Variants in PDS5A observed in about 807,000 individuals in gnomAD.
PDS5A encodes the protein PDS5 cohesin associated factor A, also known as sister chromatid cohesion protein PDS5 homolog A.
Under a neutral mutation model 167.1 loss-of-function variants are expected in PDS5A, and 42 were observed. The observed-to-expected ratio is 0.25, with a 90% CI of 0.20 to 0.33. The LOEUF (loss-of-function observed/expected upper bound fraction) is 0.33. Ranked by LOEUF, PDS5A falls within the 10% of genes least tolerant of loss-of-function variation. The probability of loss-of-function intolerance (pLI) is 1.00; values close to 1 mark genes in which losing one functional copy is unlikely to be tolerated. For synonymous variants in PDS5A, 553 were observed against 554.6 expected, an observed-to-expected ratio of 1.00 and a Z score of 0.04; for missense variants, 1,033 against 1,605.9, an observed-to-expected ratio of 0.64 and a Z score of 6.10.
chr4:39,913,585 A>G (rs1724085635), intron 9 of PDS5A, 26 bp downstream of exon 9: 1 of 1,249,328 alleles, frequency 8.0e-7, no homozygotes, highest in East Asian at 2.3e-5. Context: ...CTAAAATATA[A>G]ACATCAGAAT....
At chr4:39,916,790 T>TG (rs1724429377) in intron 8 of PDS5A, among the ~76,000 whole-genome samples, 8 of 151,632 alleles carry the variant, frequency 5.3e-5, no homozygotes, top group Admixed American at 5.3e-4. Context: ...CGCTTGAACC[T>TG]GGGGGGCAAA....
intron 15 of PDS5A, 22 bp downstream of exon 15, chr4:39,898,755 G>C: frequency 6.8e-7 from 1 of 1,465,844 alleles, no homozygotes; most frequent in Non-Finnish European, 9.5e-7. Flanking sequence ...TACATGTTTA[G>C]TGAGTAAATA....
intron 30 of PDS5A, among the ~76,000 whole-genome samples, chr4:39,843,402 T>C (rs1055737024): frequency 1.3e-5 from 2 of 152,200 alleles, no homozygotes; most frequent in African/African-American, 4.8e-5. Context: ...AATGTTTTCA[T>C]AGTTTTCCTA....
intron 2 of PDS5A, among the ~76,000 whole-genome samples, chr4:39,929,519 C>CCATATATATATATATATATATA (rs1553903666): frequency 1.3e-5 from 1 of 79,398 alleles, no homozygotes. Flanking sequence ...ACTTAATAAA[C>CCATATATATATATATATATATA]TATATATATA....
intron 32 of PDS5A, among the ~76,000 whole-genome samples, chr4:39,828,607 T>TACTAGGC (rs1199074034): frequency 2.7e-4 from 41 of 152,220 alleles, no homozygotes; most frequent in Non-Finnish European, 3.5e-4. Flanking sequence ...GTGTAAACTG[T>TACTAGGC]AGTTGGCATA....
chr4:39,857,550 T>G (rs191573479), intron 26 of PDS5A, among the ~76,000 whole-genome samples: 1 of 152,108 alleles, frequency 6.6e-6, no homozygotes, highest in Non-Finnish European at 1.5e-5. Context: ...TTACTTTTAA[T>G]GTAAAAGGAT....
chr4:39,961,014 G>C (rs1375198202), intron 2 of PDS5A, among the ~76,000 whole-genome samples: 1 of 149,992 alleles, frequency 6.7e-6, no homozygotes, highest in East Asian at 2.0e-4. Context: ...GTAGAGGTGG[G>C]GGTCTCACCG....
Position 39,863,059 on chromosome 4 carries a change from T to C in PDS5A, c.2781A>G (p.Gln927=). Residue 927 remains glutamine, a synonymous_variant, in exon 25 of 33, where the codon CAA becomes CAG. Coordinates refer to ENST00000303538, the MANE Select transcript of PDS5A (RefSeq NM_001100399.2). ...CALVINDECY[Q]VRQIFAQKLH... is the part of the protein sequence containing the mutation. ...GCTTCTGAGCAAATATCTGCCTTACTTGGTAACACTCATCCTACAGCAGCA... is the reference window on the plus strand; with the variant it reads ...GCTTCTGAGCAAATATCTGCCTTACCTGGTAACACTCATCCTACAGCAGCA... The C allele has an allele frequency of 6.2e-7, 1 of 1,613,034 alleles. No homozygotes were observed. Among genetic ancestry groups the C allele is most frequent in the Non-Finnish European group, 8.5e-7 (1 of 1,179,226 alleles).
chr4:39,947,172 G>A (rs1481013886), intron 2 of PDS5A, among the ~76,000 whole-genome samples: 1 of 152,122 alleles, frequency 6.6e-6, no homozygotes, highest in African/African-American at 2.4e-5. Flanking sequence ...AAACAAACAT[G>A]ACCAGGCATG....
chr4:39,884,293 T>C (rs1290262971), intron 17 of PDS5A, among the ~76,000 whole-genome samples: 1 of 152,202 alleles, frequency 6.6e-6, no homozygotes, highest in Non-Finnish European at 1.5e-5. Context: ...TGTCAATTTA[T>C]CTCCTAAGCA....
At chr4:39,872,860 A>T in intron 21 of PDS5A, 126 bp downstream of exon 21, 1 of 474,976 alleles carries the variant, frequency 2.1e-6, no homozygotes, top group African/African-American at 2.0e-5. Flanking sequence ...AATAAAAAAT[A>T]AGTAGAACCA....
intron 2 of PDS5A, among the ~76,000 whole-genome samples, chr4:39,937,242 C>T (rs73229720): frequency 0.071 from 10,864 of 152,134 alleles, 487 homozygotes; most frequent in Non-Finnish European, 0.1. Context: ...CCAGGAGCTG[C>T]CTCATTAGCG....
intron 2 of PDS5A, among the ~76,000 whole-genome samples, chr4:39,952,579 TAA>T (rs1463852882): frequency 1.1e-4 from 16 of 152,066 alleles, no homozygotes; most frequent in Non-Finnish European, 1.5e-4. Context: ...AGCTTAATAG[TAA>T]AGTGGAATAG....
Position 39,838,008 on chromosome 4 carries a change from A to T in PDS5A, c.3858T>A (p.Asp1286Glu). 2 of 1,613,960 alleles carry T rather than the reference A, an allele frequency of 1.2e-6. No homozygotes were observed. The highest frequency in any genetic ancestry group is 1.7e-6 in the Non-Finnish European group (2 of 1,179,896). ...SESQGNATKN[D>E]DLNKPINKGR... ...CCTTGTTAATAGGTTTATTTAGATC[A>T]TCATTTTTGGTAGCATTGCCCTGAG... The change falls in exon 32 of 33, where the codon GAT (aspartate) becomes GAA (glutamate). Residue 1286 changes from aspartate to glutamate, a missense_variant. By Grantham distance (45) the Asp-to-Glu change is conservative (BLOSUM62 2). Coordinates refer to ENST00000303538, the MANE Select transcript of PDS5A (RefSeq NM_001100399.2).
chr4:39,876,955 A>C (rs746754350), intron 19 of PDS5A, 38 bp downstream of exon 19: 25 of 1,495,678 alleles, frequency 1.7e-5, no homozygotes, highest in Non-Finnish European at 2.2e-5. Flanking sequence ...CATACTTAGA[A>C]ACTTTTGTAT....
At chr4:39,858,035 G>A (rs1244629486) in intron 26 of PDS5A, among the ~76,000 whole-genome samples, 1 of 151,622 alleles carries the variant, frequency 6.6e-6, no homozygotes, top group Non-Finnish European at 1.5e-5. Context: ...GAAAACTACA[G>A]AACAGTGCTG....
intron 9 of PDS5A, among the ~76,000 whole-genome samples, chr4:39,912,806 A>T (rs956045876): frequency 3.3e-5 from 5 of 152,274 alleles, no homozygotes; most frequent in Non-Finnish European, 7.3e-5. Flanking sequence ...GAATTTAGTC[A>T]TTCTAAGCTC....
rs1158772502 is a variant in PDS5A at position 39,926,877 on chromosome 4, AC to A, written c.343-17del. On this transcript the variant is annotated splice_polypyrimidine_tract_variant and intron_variant, in intron 3 of 32. Coordinates refer to ENST00000303538, the MANE Select transcript of PDS5A (RefSeq NM_001100399.2). Reference sequence around the variant, plus strand: ...AAAATATGTCCTGTTAAAAAAAAAAACACATTAATTTAGACACAAATACTTT... The same window carrying A: ...AAAATATGTCCTGTTAAAAAAAAAAAACATTAATTTAGACACAAATACTTT... The A allele has an allele frequency of 2.7e-5, 38 of 1,395,936 alleles. No homozygotes were observed. The highest frequency in any genetic ancestry group is 3.2e-5 in the Non-Finnish European group (34 of 1,060,240). 86.5% of individuals were successfully genotyped at this position (1,395,936 alleles called of 1,614,324 possible). A position where few individuals can be genotyped will look rare whatever the true frequency, so the allele number is the denominator to read the frequency against.
chr4:39,973,432 G>A, intron 2 of PDS5A: 2 of 1,456,002 alleles, frequency 1.4e-6, no homozygotes, highest in African/African-American at 1.4e-5. Flanking sequence ...GACAGCAGGA[G>A]TAGCTGCAGC....
Sources: gnomAD v4.1 joint callset for allele counts (sites outside exome capture counted in the v4.1 genomes callset) on GRCh38, gnomAD v4.1.1 for gene constraint, MANE v1.5 for transcripts, NCBI Gene and HGNC (gene_info 2026-07-23, HGNC 2026-07-21) for gene names.